ELAVL2: variants seen among roughly 807,000 people sequenced by gnomAD.
ELAVL2 encodes ELAV-like protein 2.
Under a neutral mutation model 34.6 loss-of-function variants are expected in ELAVL2, and 4 were observed. The observed-to-expected ratio is 0.12, with a 90% CI of 0.06 to 0.26. ELAVL2 has a LOEUF of 0.26. ELAVL2 is among the 10% of genes least tolerant of loss of function. The pLI is 1.00. For missense variants in ELAVL2, 432 were observed against 442.8 expected (o/e 0.98, Z 0.22); for synonymous variants, 193 against 154.8 (o/e 1.25, Z -1.83).
At chr9:23,836,417 T>TA in the ELAVL2 span, among the ~76,000 whole-genome samples, 5 of 152,190 alleles carry the variant, frequency 3.3e-5, no homozygotes, top group African/African-American at 4.8e-5. Context: ...AACTTTCTTT[T>TA]ATGTCAGTGC....
intron 1 of ELAVL2, chr9:23,779,310 G>T: frequency 1.0e-6 from 1 of 985,368 alleles, no homozygotes; most frequent in Non-Finnish European, 1.2e-6. Flanking sequence ...TGGCAAAGTG[G>T]GCAGACAGAG....
rs377714721 is a variant in ELAVL2, at chr9:23,819,253, G to C, written c.-16+6553C>G. On this transcript the variant is annotated intron_variant, in intron 1 of 6. Transcript: ENST00000397312. The stretch of plus-strand genomic sequence containing the variant: ...GCATCATTCTCCCTTAACCTACCAG[G>C]AGCTGAGTCTTAACTAAAACCACTG... 3.0e-4 allele frequency among the ~76,000 whole-genome samples: 45 copies of C among 152,286 alleles called. 1 individual carries two copies. In the East Asian group the frequency reaches 5.6e-3, roughly 19 times the overall value.
At chr9:23,785,296 G>A (rs567484136) in intron 1 of ELAVL2, among the ~76,000 whole-genome samples, 2 of 152,292 alleles carry the variant, frequency 1.3e-5, no homozygotes, top group African/African-American at 4.8e-5. Context: ...AGATGAACAA[G>A]AAAGATATGA....
At chr9:23,710,985 T>C (rs996340640) in intron 3 of ELAVL2, among the ~76,000 whole-genome samples, 1 of 152,126 alleles carries the variant, frequency 6.6e-6, no homozygotes, top group African/African-American at 2.4e-5. Flanking sequence ...TTTGATCTGC[T>C]TCTAAATTCA....
intron 1 of ELAVL2, among the ~76,000 whole-genome samples, chr9:23,799,104 A>T (rs1053191340): frequency 6.6e-6 from 1 of 152,216 alleles, no homozygotes; most frequent in East Asian, 1.9e-4. Flanking sequence ...ATTAAGACAG[A>T]CATAATATGA....
At chr9:23,733,257 T>C (rs992382640) in intron 2 of ELAVL2, among the ~76,000 whole-genome samples, 5 of 151,568 alleles carry the variant, frequency 3.3e-5, no homozygotes, top group African/African-American at 1.2e-4. Context: ...TATACATATA[T>C]GTGTGTTTGT....
At chr9:23,817,910 G>A (rs2063942845) in intron 1 of ELAVL2, among the ~76,000 whole-genome samples, 1 of 152,108 alleles carries the variant, frequency 6.6e-6, no homozygotes, top group Non-Finnish European at 1.5e-5. Flanking sequence ...CTTAAAATAA[G>A]CACTGCCTTT....
chr9:23,782,090 G>A (rs1233664651), intron 1 of ELAVL2, among the ~76,000 whole-genome samples: 1 of 152,142 alleles, frequency 6.6e-6, no homozygotes, highest in Non-Finnish European at 1.5e-5. Context: ...CAAAGTGCTA[G>A]AATTACAGGC....
chr9:23,695,884 G>T (rs1414082744), intron 5 of ELAVL2, among the ~76,000 whole-genome samples: 1 of 152,180 alleles, frequency 6.6e-6, no homozygotes, highest in Non-Finnish European at 1.5e-5. Context: ...TGTACATGCA[G>T]TGAGGGAGAA....
chr9:23,704,867 A>G (rs2038785461), intron 4 of ELAVL2, 51 bp downstream of exon 4: 1 of 1,599,762 alleles, frequency 6.3e-7, no homozygotes, highest in Non-Finnish European at 8.5e-7. Context: ...ATATTTCACA[A>G]TCTGCTAGTC....
Position 23,780,165 on chromosome 9 carries a change from T to TA in ELAVL2, c.-15-17917dup, listed in dbSNP as rs1408981421. Among the ~76,000 whole-genome samples, 10 of 152,126 alleles carry TA rather than the reference T, an allele frequency of 6.6e-5. No individual in the cohort carries two copies. The South Asian group carries it at 1.5e-3, about 22-fold the overall frequency. ...GATTCTCTTTTCCAGGACTGTATTA[T>TA]AAAACATTTTGAACTGAGAACAGAT... is the stretch of plus-strand genomic sequence containing the variant. On this transcript the variant is annotated intron_variant, in intron 1 of 6. Transcript: ENST00000397312.
At chr9:23,719,561 C>T (rs2043142448) in intron 3 of ELAVL2, among the ~76,000 whole-genome samples, 1 of 152,154 alleles carries the variant, frequency 6.6e-6, no homozygotes, top group Non-Finnish European at 1.5e-5. Flanking sequence ...CAAGAGTATG[C>T]ACTGCTTTCA....
intron 1 of ELAVL2, among the ~76,000 whole-genome samples, chr9:23,790,360 T>C (rs1374778248): frequency 1.3e-5 from 2 of 152,186 alleles, no homozygotes; most frequent in Non-Finnish European, 2.9e-5. Context: ...GACACCCCAA[T>C]ACCCGCTTTC....
chr9:23,832,908 T>C, the ELAVL2 span, among the ~76,000 whole-genome samples: 2 of 152,126 alleles, frequency 1.3e-5, no homozygotes, highest in Non-Finnish European at 2.9e-5. Context: ...ATTAAACTAC[T>C]TGAATTAAAA....
intron 5 of ELAVL2, among the ~76,000 whole-genome samples, chr9:23,699,809 A>G (rs2036513407): frequency 8.7e-6 from 1 of 115,456 alleles, no homozygotes; most frequent in Non-Finnish European, 1.8e-5. Context: ...AAAGGTGGCA[A>G]AGGTTTTTTT....
chr9:23,787,972 G>A (rs181158095), intron 1 of ELAVL2, among the ~76,000 whole-genome samples: 2 of 152,278 alleles, frequency 1.3e-5, no homozygotes, highest in Admixed American at 1.3e-4. Flanking sequence ...GGGAAAGTCT[G>A]AACACAGGCT....
chr9:23,701,674 C>T (rs1169626657), intron 4 of ELAVL2, 70 bp from the exon 5 acceptor site: 15 of 1,495,934 alleles, frequency 1.0e-5, no homozygotes, highest in African/African-American at 1.4e-5. Context: ...GAAGAAAGGA[C>T]ACATTAATTT....
intron 1 of ELAVL2, among the ~76,000 whole-genome samples, chr9:23,780,390 A>C (rs181555734): frequency 2.6e-5 from 4 of 152,318 alleles, no homozygotes; most frequent in Admixed American, 2.0e-4. Context: ...ATTAACTCTT[A>C]AGATAAATTT....
the ELAVL2 span, among the ~76,000 whole-genome samples, chr9:23,835,779 C>T: frequency 2.6e-5 from 4 of 152,038 alleles, no homozygotes; most frequent in African/African-American, 7.2e-5. Context: ...TGGAAGGAAA[C>T]AACATTTTGC....
Sources: gnomAD v4.1 joint callset for allele counts (sites outside exome capture counted in the v4.1 genomes callset) on GRCh38, gnomAD v4.1.1 for gene constraint, MANE v1.5 for transcripts, NCBI Gene and HGNC (gene_info 2026-07-23, HGNC 2026-07-21) for gene names.